The following ESRRB variants were observed in gnomAD, a reference collection of about 807,000 sequenced individuals.
The protein encoded by ESRRB is estrogen related receptor beta.
In ESRRB, 16 loss-of-function variants were observed where a neutral mutation model predicts 46.0. The observed-to-expected ratio is 0.35, with a 90% CI of 0.24 to 0.53. The LOEUF is 0.53. Among genes scored for constraint, ESRRB ranks in the 20% least tolerant of loss-of-function variants. The pLI, the probability that ESRRB is intolerant of heterozygous loss-of-function variation, is 0.93. For synonymous variants in ESRRB, 246 were observed against 259.6 expected, an observed-to-expected ratio of 0.95 and a Z score of 0.50; for missense variants, 488 against 607.4, an observed-to-expected ratio of 0.80 and a Z score of 2.07.
intron 1 of ESRRB, among the ~76,000 whole-genome samples, chr14:76,334,125 A>T (rs979839953): frequency 6.6e-6 from 1 of 152,208 alleles, no homozygotes; most frequent in African/African-American, 2.4e-5. Context: ...AATTATAAAA[A>T]TAAGAATAAT....
intron 1 of ESRRB, among the ~76,000 whole-genome samples, chr14:76,336,132 T>C (rs1884123789): frequency 6.6e-6 from 1 of 152,076 alleles, no homozygotes; most frequent in Non-Finnish European, 1.5e-5. Flanking sequence ...AAAGATCCCT[T>C]TTCACCCAAT....
chr14:76,491,683 G>T lies in ESRRB; in HGVS notation c.1087G>T (p.Val363Leu), dbSNP rs121909111. 2 of 1,586,112 alleles carry T rather than the reference G, an allele frequency of 1.3e-6. No individual in the cohort carries two copies. The highest frequency in any genetic ancestry group is 2.3e-5 in the South Asian group (2 of 86,366). The change falls in exon 6 of 7, where the codon GTG becomes TTG. Residue 363 changes from valine to leucine, a missense_variant. By Grantham distance (32) the Val-to-Leu change is conservative. Transcript: ENST00000644823. ...KKLKVEKEEF[V>L]TLKALALANS... ...GCTCAAGGTGGAGAAGGAGGAGTTT[G>T]TGACGCTCAAGGCCCTGGCCCTCGC...
At chr14:76,449,681 G>A (rs922606410) in intron 2 of ESRRB, among the ~76,000 whole-genome samples, 7 of 151,902 alleles carry the variant, frequency 4.6e-5, no homozygotes, top group Admixed American at 1.3e-4. Context: ...TCAGTACAAA[G>A]TGATTGACTT....
At chr14:76,391,228 G>T (rs535748627) in intron 1 of ESRRB, among the ~76,000 whole-genome samples, 2 of 152,218 alleles carry the variant, frequency 1.3e-5, no homozygotes, top group Admixed American at 6.5e-5. Context: ...GCAAGAGTGC[G>T]TTTGGGCTTT....
chr14:76,357,240 A>G (rs1180698923), intron 1 of ESRRB, among the ~76,000 whole-genome samples: 4 of 152,274 alleles, frequency 2.6e-5, no homozygotes, highest in Non-Finnish European at 5.9e-5. Flanking sequence ...TCAGAAATGC[A>G]CAAAAGTATT....
intron 1 of ESRRB, among the ~76,000 whole-genome samples, chr14:76,417,613 G>T (rs1886762069): frequency 6.6e-6 from 1 of 152,210 alleles, no homozygotes; most frequent in African/African-American, 2.4e-5. Context: ...TTTCAAGCAT[G>T]TGACTTTTGA....
intron 1 of ESRRB, among the ~76,000 whole-genome samples, chr14:76,315,587 C>T (rs1380228097): frequency 2.0e-5 from 3 of 152,188 alleles, no homozygotes; most frequent in African/African-American, 4.8e-5. Flanking sequence ...ATGAAACGCA[C>T]GTGAAGTGCT....
chr14:76,440,547 ACCTTCCTTCATTCCTT>A (rs1388979520), intron 2 of ESRRB, among the ~76,000 whole-genome samples: 4 of 150,990 alleles, frequency 2.6e-5, no homozygotes, highest in Non-Finnish European at 4.4e-5. Context: ...TTTAAGACCG[ACCTTCCTTCATTCCTT>A]CCTTCCTTCC....
Position 76,376,274 on chromosome 14 carries a change from C to A in ESRRB, c.-128C>A. 1.5e-6 allele frequency: 1 copy of A among 655,226 alleles called. No homozygotes were observed. Among genetic ancestry groups the A allele is most frequent in the Non-Finnish European group, 2.2e-6 (1 of 461,426 alleles). 40.6% of individuals were successfully genotyped at this position (655,226 alleles called of 1,614,324 possible). ...CTCTCCCCCGCCGCGGCCGCCTCCT[C>A]CCACTCTGCGTTCTCGCGCTCACTG... On this transcript the variant is annotated 5_prime_UTR_variant, in exon 1 of 7. Coordinates refer to ENST00000644823, the MANE Select transcript of ESRRB (RefSeq NM_001379180.1). The surrounding 1 kb of genome is among the most constrained non-coding windows in gnomAD (Gnocchi z 4.1).
In ESRRB at chr14:76,384,865, AGGCCGTT is replaced by A. The variant is rs140719811; in HGVS notation, c.50+8416_50+8422del. Among the ~76,000 whole-genome samples, 1,015 of 152,258 alleles carry A rather than the reference AGGCCGTT, an allele frequency of 6.7e-3. 14 individuals are homozygous for A. The highest frequency in any genetic ancestry group is 0.023 in the African/African-American group (963 of 41,548). On this transcript the variant is annotated intron_variant, in intron 1 of 6. Coordinates refer to ENST00000644823, the MANE Select transcript of ESRRB (RefSeq NM_001379180.1). ...CCTTCTTGGCCATTTGGCTTCTATG[AGGCCGTT>A]GTCCCTGCTCCTGAGTACCTCAACC...
intron 1 of ESRRB, among the ~76,000 whole-genome samples, chr14:76,385,463 T>G (rs542128136): frequency 6.6e-6 from 1 of 152,296 alleles, no homozygotes; most frequent in South Asian, 2.1e-4. Flanking sequence ...TAAGAAGGAT[T>G]AGGAGAAAGG....
At chr14:76,409,911 G>A (rs28529198) in intron 1 of ESRRB, among the ~76,000 whole-genome samples, 3,119 of 152,180 alleles carry the variant, frequency 0.02, 66 homozygotes, top group African/African-American at 0.055. Flanking sequence ...TACCCCATTC[G>A]GGAGAATGAA....
intron 3 of ESRRB, among the ~76,000 whole-genome samples, chr14:76,473,731 A>G (rs939546547): frequency 1.3e-4 from 20 of 152,276 alleles, no homozygotes; most frequent in African/African-American, 4.6e-4. Context: ...TTTTACTTCC[A>G]TTAAGAAAAA....
exon 1 of ESRRB, chr14:76,310,833 C>T (rs917431200): frequency 4.4e-6 from 2 of 454,966 alleles, no homozygotes; most frequent in Admixed American, 2.4e-5. Flanking sequence ...AGCGGAGCAA[C>T]GAGTTATCAG....
intron 5 of ESRRB, among the ~76,000 whole-genome samples, chr14:76,485,397 C>T (rs1889969023): frequency 6.6e-6 from 1 of 151,828 alleles, no homozygotes; most frequent in African/African-American, 2.4e-5. Flanking sequence ...GCCACCACCC[C>T]TGGCTAATTT....
At chr14:76,448,536 A>G (rs917170963) in intron 2 of ESRRB, among the ~76,000 whole-genome samples, 12 of 150,134 alleles carry the variant, frequency 8.0e-5, no homozygotes, top group African/African-American at 2.9e-4. Context: ...GGGTTTCACC[A>G]TGTTGGCCAG....
intron 1 of ESRRB, among the ~76,000 whole-genome samples, chr14:76,347,299 G>A (rs1012590836): frequency 6.6e-6 from 1 of 152,186 alleles, no homozygotes; most frequent in Non-Finnish European, 1.5e-5. Flanking sequence ...GAGGCAGAGA[G>A]ATGTGGTTCA....
At chr14:76,408,448 GC>G (rs765325241) in intron 1 of ESRRB, among the ~76,000 whole-genome samples, 3 of 151,970 alleles carry the variant, frequency 2.0e-5, no homozygotes, top group Non-Finnish European at 4.4e-5. Flanking sequence ...AGGTGCAGGT[GC>G]ATGGGGGTGC....
At position 76,482,393 on chromosome 14, in the gene ESRRB, A is replaced by G. The variant is rs1566610664; in HGVS notation, c.689-205A>G. ...TTCCTCCTGGAGAATTCGTCAGGCA[A>G]CTTCCCTTGGAGGGATATTTCTCAA... On this transcript the variant is annotated intron_variant, in intron 4 of 6. Transcript: ENST00000644823. The surrounding 1 kb of genome is among the most constrained non-coding windows in gnomAD (Gnocchi z 4.3). 2.0e-5 allele frequency among the ~76,000 whole-genome samples: 3 copies of G among 152,108 alleles called. No individual in the cohort carries two copies. The highest frequency in any genetic ancestry group is 4.4e-5 in the Non-Finnish European group (3 of 68,016).
Sources: gnomAD v4.1 joint callset for allele counts (sites outside exome capture counted in the v4.1 genomes callset) on GRCh38, gnomAD v4.1.1 for gene constraint, Gnocchi (gnomAD v3.1) non-coding constraint, MANE v1.5 for transcripts, NCBI Gene and HGNC (gene_info 2026-07-23, HGNC 2026-07-21) for gene names.